The following CYFIP1 variants were observed in gnomAD, a reference collection of about 807,000 sequenced individuals.
CYFIP1 encodes the protein cytoplasmic FMR1 interacting protein 1, also known as cytoplasmic FMR1-interacting protein 1.
A neutral mutation model predicts 163.5 loss-of-function variants in CYFIP1; 58 were observed. The observed-to-expected ratio is 0.35, with a 90% CI of 0.29 to 0.44. The LOEUF is 0.44. Among genes scored for constraint, CYFIP1 ranks in the 20% least tolerant of loss-of-function variants. CYFIP1 has a pLI of 1.00. For missense variants in CYFIP1, 1,338 were observed against 1,653.8 expected (o/e 0.81, Z 3.31); for synonymous variants, 663 against 660.7 (o/e 1.00, Z -0.05).
intron 1 of CYFIP1, chr15:22,947,905 A>G: frequency 1.0e-6 from 1 of 981,958 alleles, no homozygotes; most frequent in Non-Finnish European, 1.2e-6. Flanking sequence ...CATCGTCTAA[A>G]CACACCTTCA....
intron 21 of CYFIP1, 91 bp downstream of exon 21, chr15:22,909,103 C>T (rs961913203): frequency 7.8e-6 from 12 of 1,532,940 alleles, no homozygotes; most frequent in Middle Eastern, 1.7e-4. Context: ...GTATAGGCCA[C>T]GCCCGATGAG....
chr15:22,950,487 A>G lies in CYFIP1; in HGVS notation c.-6-3196T>C, dbSNP rs192697203. Among the ~76,000 whole-genome samples, 157 of 149,338 alleles carry G rather than the reference A, an allele frequency of 1.1e-3. 1 individual carries two copies. The highest frequency in any genetic ancestry group is 3.8e-3 in the South Asian group (18 of 4,750). ...CAAAAAGCTTCCTTCACGTTACACT[A>G]GGCAAAAGCTGACAGAGCTGGAAGA... On this transcript the variant is annotated intron_variant, in intron 1 of 30. Transcript: ENST00000617928.
At chr15:22,876,599 T>C (rs779416199) in intron 26 of CYFIP1, among the ~76,000 whole-genome samples, 1 of 151,956 alleles carries the variant, frequency 6.6e-6, no homozygotes, top group Non-Finnish European at 1.5e-5. Flanking sequence ...TCCCAGCACT[T>C]TGGGAGGGCG....
At chr15:22,886,237 CA>C (rs1392101445) in intron 23 of CYFIP1, among the ~76,000 whole-genome samples, 1 of 152,130 alleles carries the variant, frequency 6.6e-6, no homozygotes, top group Non-Finnish European at 1.5e-5. Flanking sequence ...ATGAGGATTA[CA>C]ATTTCAGATG....
intron 23 of CYFIP1, among the ~76,000 whole-genome samples, chr15:22,890,691 C>T (rs534006914): frequency 1.6e-4 from 24 of 147,454 alleles, no homozygotes; most frequent in Admixed American, 9.5e-4. Context: ...CTCGAGAACA[C>T]GAACAGAGAC....
intron 23 of CYFIP1, among the ~76,000 whole-genome samples, chr15:22,892,528 T>A (rs1353636980): frequency 6.6e-6 from 1 of 152,194 alleles, no homozygotes; most frequent in Non-Finnish European, 1.5e-5. Flanking sequence ...GGAATGCACC[T>A]GAGCCTCTTC....
At chr15:22,881,783 G>T in intron 25 of CYFIP1, 63 bp downstream of exon 25, 1 of 1,489,558 alleles carries the variant, frequency 6.7e-7, no homozygotes, top group Non-Finnish European at 9.2e-7. Flanking sequence ...AAGAATTTCT[G>T]ACTTGAATTC....
At chr15:22,958,577 T>C (rs2062564345) in intron 1 of CYFIP1, among the ~76,000 whole-genome samples, 1 of 152,184 alleles carries the variant, frequency 6.6e-6, no homozygotes, top group Non-Finnish European at 1.5e-5. Context: ...CCCCCCACCT[T>C]GGGGCTGCAG....
chr15:22,975,760 A>C (rs1213712743), intron 1 of CYFIP1, among the ~76,000 whole-genome samples: 2 of 152,206 alleles, frequency 1.3e-5, no homozygotes, highest in Admixed American at 1.3e-4. Context: ...ACTCCATCTC[A>C]AAAAAAGTTA....
intron 3 of CYFIP1, among the ~76,000 whole-genome samples, chr15:22,946,319 G>A (rs2062057758): frequency 6.6e-6 from 1 of 151,272 alleles, no homozygotes; most frequent in Admixed American, 6.6e-5. Context: ...AAAAAAGAAA[G>A]AAAGAAAACC....
chr15:22,912,346 C>T, intron 17 of CYFIP1, 71 bp from the exon 18 acceptor site: 4 of 1,173,492 alleles, frequency 3.4e-6, no homozygotes, highest in Non-Finnish European at 2.4e-6. Context: ...CCTCGCCCCA[C>T]CTCAGAAACT....
In CYFIP1 at chr15:22,909,192, A is replaced by G. The variant is rs749572133; in HGVS notation, c.2388+2T>C. 17 of 1,613,810 alleles carry G rather than the reference A, an allele frequency of 1.1e-5. No individual in the cohort carries two copies. Among genetic ancestry groups the G allele is most frequent in the Non-Finnish European group, 1.4e-5 (16 of 1,179,834 alleles). On this transcript the variant is annotated splice_donor_variant, in intron 21 of 30. Transcript: ENST00000617928. LOFTEE classifies it high-confidence loss of function. Reference sequence around the variant, plus strand: ...TCAATAGGGCAAAGTGAAATTACTTACAACTATGGAGGTCAAATCTTCACT... The same window carrying G: ...TCAATAGGGCAAAGTGAAATTACTTGCAACTATGGAGGTCAAATCTTCACT...
At position 22,892,953 on chromosome 15, in the gene CYFIP1, A is replaced by C; in HGVS notation, c.2613T>G (p.Phe871Leu). ...TNRFVRTVLP[F>L]SQEFQRDKQP... ...GCTTATCTCTTTGAAATTCCTGAGA[A>C]AATGGTAACACTGTCCGAACAAACC... Residue 871 changes from phenylalanine to leucine, a missense_variant, in exon 23 of 31, where the codon TTT becomes TTG. Physicochemically the swap from Phe to Leu is conservative, Grantham distance 22. Coordinates refer to ENST00000617928, the MANE Select transcript of CYFIP1 (RefSeq NM_014608.6). 1 of 1,613,522 alleles carries C rather than the reference A, an allele frequency of 6.2e-7. No homozygotes were observed. Among genetic ancestry groups the C allele is most frequent in the Admixed American group, 1.7e-5 (1 of 60,024 alleles).
At chr15:22,906,374 C>A (rs1281193537) in intron 21 of CYFIP1, among the ~76,000 whole-genome samples, 4 of 151,970 alleles carry the variant, frequency 2.6e-5, no homozygotes, top group Non-Finnish European at 5.9e-5. Context: ...TCCAAAAGTG[C>A]TGGGATTACA....
At position 22,900,328 on chromosome 15, in the gene CYFIP1, G is replaced by A. The variant is rs1270859136; in HGVS notation, c.2588+3378C>T. ...ACAGCTCTACCCAGTGTCTCAGAGG[G>A]GGCGTGGTCCTGCTGACACCTTGAT... On this transcript the variant is annotated intron_variant, in intron 22 of 30. Coordinates refer to ENST00000617928, the MANE Select transcript of CYFIP1 (RefSeq NM_014608.6). Among the ~76,000 whole-genome samples, 5 of 152,046 alleles carry A rather than the reference G, an allele frequency of 3.3e-5. No homozygotes were observed. The East Asian group carries it at 9.6e-4, about 29-fold the overall frequency.
intron 20 of CYFIP1, among the ~76,000 whole-genome samples, chr15:22,909,756 G>A (rs148436939): frequency 4.0e-5 from 6 of 151,784 alleles, no homozygotes; most frequent in East Asian, 1.9e-4. Context: ...TTGTGGGTAC[G>A]CAGTAAGTGT....
At chr15:22,903,953 A>C (rs766177963) in intron 21 of CYFIP1, 48 bp from the exon 22 acceptor site, 2 of 1,576,830 alleles carry the variant, frequency 1.3e-6, no homozygotes, top group South Asian at 2.3e-5. Context: ...TCCAGGCAGG[A>C]AGGAGGCGCC....
At chr15:22,938,271 G>A in intron 8 of CYFIP1, among the ~76,000 whole-genome samples, 1 of 152,344 alleles carries the variant, frequency 6.6e-6, no homozygotes, top group Middle Eastern at 3.4e-3. Flanking sequence ...CAAAGTCCTA[G>A]GAATCACATG....
rs746705247 is a variant in CYFIP1 at position 22,875,211 on chromosome 15, C to T, written c.3103G>A (p.Val1035Ile). The T allele has an allele frequency of 1.2e-5, 19 of 1,614,026 alleles. No homozygotes were observed. In the East Asian group the frequency reaches 4.2e-4, roughly 36 times the overall value. The change falls in exon 27 of 31, where the codon GTC (valine) becomes ATC (isoleucine). Residue 1035 changes from valine to isoleucine, a missense_variant. Val to Ile is a conservative substitution (Grantham distance 29). Transcript: ENST00000617928. ...AAPFQNILPR[V>I]HVKEGERLDA... ...TCAGCAGGCTCACCTTTCACATGGA[C>T]TCGCGGCAAGATGTTCTGGAAAGGA... is the stretch of plus-strand genomic sequence containing the variant.
Sources: allele counts gnomAD v4.1 joint callset (sites outside exome capture counted in the v4.1 genomes callset), GRCh38; gene constraint gnomAD v4.1.1; transcripts MANE v1.5; gene names NCBI Gene and HGNC (gene_info 2026-07-23, HGNC 2026-07-21).